Variants in RASGRF2 observed in about 807,000 individuals in gnomAD.
The protein encoded by RASGRF2 is Ras protein specific guanine nucleotide releasing factor 2.
A neutral mutation model predicts 151.0 loss-of-function variants in RASGRF2; 76 were observed. The observed-to-expected ratio is 0.50, with a 90% CI of 0.42 to 0.61. The LOEUF is 0.61. Among genes scored for constraint, RASGRF2 ranks in the 20% least tolerant of loss-of-function variants. The probability of loss-of-function intolerance (pLI) is 0.00; values close to 1 mark genes in which losing one functional copy is unlikely to be tolerated. For missense variants in RASGRF2, 1,148 were observed against 1,564.6 expected (o/e 0.73, Z 4.49); for synonymous variants, 504 against 566.5 (o/e 0.89, Z 1.57).
chr5:81,055,860 A>G (rs1751188474), intron 2 of RASGRF2, among the ~76,000 whole-genome samples: 1 of 151,872 alleles, frequency 6.6e-6, no homozygotes, highest in Admixed American at 6.6e-5. Flanking sequence ...TAGTCTTGGG[A>G]GGGTGTATGT....
At chr5:81,193,194 G>T (rs1755187837) in intron 18 of RASGRF2, among the ~76,000 whole-genome samples, 1 of 152,206 alleles carries the variant, frequency 6.6e-6, no homozygotes, top group African/African-American at 2.4e-5. Context: ...CCTTGGCCAT[G>T]TATAGTAAAT....
At chr5:81,042,706 G>A (rs1229482823) in intron 1 of RASGRF2, among the ~76,000 whole-genome samples, 171 bp from the exon 2 acceptor site, 2 of 152,176 alleles carry the variant, frequency 1.3e-5, no homozygotes, top group Non-Finnish European at 2.9e-5. Flanking sequence ...TCTTCTAGGT[G>A]CAGAGTCATT....
chr5:80,977,655 C>T (rs995117035), intron 1 of RASGRF2, among the ~76,000 whole-genome samples: 8 of 152,228 alleles, frequency 5.3e-5, no homozygotes, highest in Admixed American at 3.9e-4. Context: ...TGGGGTTTCG[C>T]CGTGTTGGTG....
At chr5:81,111,535 A>C (rs1173041914) in intron 13 of RASGRF2, among the ~76,000 whole-genome samples, 1 of 152,180 alleles carries the variant, frequency 6.6e-6, no homozygotes, top group East Asian at 1.9e-4. Flanking sequence ...AACATAATAA[A>C]AACATAACAT....
At chr5:81,031,212 C>T (rs1750232870) in intron 1 of RASGRF2, among the ~76,000 whole-genome samples, 1 of 152,180 alleles carries the variant, frequency 6.6e-6, no homozygotes, top group Admixed American at 6.5e-5. Flanking sequence ...GAGACTTTAA[C>T]ACCCCAATGT....
chr5:81,157,061 C>T (rs1295701899), intron 17 of RASGRF2, among the ~76,000 whole-genome samples: 1 of 152,114 alleles, frequency 6.6e-6, no homozygotes, highest in Non-Finnish European at 1.5e-5. Context: ...CTATTCACAA[C>T]ATCATTAAAA....
chr5:81,138,004 G>A (rs896904646), intron 17 of RASGRF2, among the ~76,000 whole-genome samples: 1 of 152,184 alleles, frequency 6.6e-6, no homozygotes, highest in Non-Finnish European at 1.5e-5. Flanking sequence ...GATGTTTGCT[G>A]TAGCTATAGG....
intron 1 of RASGRF2, among the ~76,000 whole-genome samples, chr5:81,003,598 G>A (rs576151523): frequency 2.6e-5 from 4 of 152,312 alleles, no homozygotes; most frequent in African/African-American, 9.6e-5. Context: ...CTGGCCTCAA[G>A]TGATCCTCCT....
rs781249375 is a variant in RASGRF2, at chr5:80,961,050, G to A, written c.288+24G>A. The A allele has an allele frequency of 3.1e-5, 44 of 1,432,300 alleles. No individual in the cohort carries two copies. The African/African-American group carries it at 5.4e-4, about 18-fold the overall frequency. The allele number at this position is 1,432,300 out of a possible 1,614,324, so 88.7% of individuals were successfully genotyped here. On this transcript the variant is annotated intron_variant, in intron 1 of 26. Transcript: ENST00000265080. ...AGGTACCGCGCGCCTTCTCTCCGCG[G>A]TCTCCCAGCCTTGATCGCCGCACTC... is the stretch of plus-strand genomic sequence containing the variant.
intron 18 of RASGRF2, among the ~76,000 whole-genome samples, chr5:81,195,761 G>A (rs1346687797): frequency 6.6e-6 from 1 of 152,150 alleles, no homozygotes; most frequent in Admixed American, 6.5e-5. Flanking sequence ...CTGTGCACAT[G>A]ACAGTTTGAG....
rs376345344 is a variant in RASGRF2 at position 81,010,268 on chromosome 5, C to T, written c.289-32609C>T. Among the ~76,000 whole-genome samples the T allele has an allele frequency of 1.8e-4, 27 of 152,062 alleles. No homozygotes were observed. The South Asian group carries it at 5.6e-3, about 32-fold the overall frequency. ...TGAATTTTCCTCTCTAATTTTGCCTCTCTGTATTTTCCGTATTTATATATG... is the reference window on the plus strand; with the variant it reads ...TGAATTTTCCTCTCTAATTTTGCCTTTCTGTATTTTCCGTATTTATATATG... On this transcript the variant is annotated intron_variant, in intron 1 of 26. Transcript: ENST00000265080.
At chr5:80,966,708 G>A (rs1747734978) in intron 1 of RASGRF2, among the ~76,000 whole-genome samples, 1 of 152,146 alleles carries the variant, frequency 6.6e-6, no homozygotes. Context: ...GCATCAGTAG[G>A]TGGAACAGAG....
intron 12 of RASGRF2, among the ~76,000 whole-genome samples, chr5:81,097,228 T>C (rs770764571): frequency 1.3e-5 from 2 of 152,208 alleles, no homozygotes; most frequent in Non-Finnish European, 2.9e-5. Context: ...CCCAAAGTGC[T>C]GGGATTACAC....
At chr5:81,176,928 A>T (rs1754787486) in intron 17 of RASGRF2, among the ~76,000 whole-genome samples, 4 of 151,662 alleles carry the variant, frequency 2.6e-5, no homozygotes, top group Non-Finnish European at 5.9e-5. Flanking sequence ...GGTAGGATAA[A>T]TTTTTTCCCT....
chr5:81,187,469 G>A (rs900774035), intron 18 of RASGRF2, among the ~76,000 whole-genome samples: 13 of 152,164 alleles, frequency 8.5e-5, no homozygotes, highest in South Asian at 2.1e-4. Context: ...GAACCCGACC[G>A]GGTGGTCTCC....
In RASGRF2 at chr5:81,229,726, C is replaced by T. The variant is rs1282377196; in HGVS notation, c.*3956C>T. ...ATGAAAGAGAGCTGGCCTAGGCATC[C>T]CGGCCCTGAGTCCTAGGCCCAGTCT... On this transcript the variant is annotated 3_prime_UTR_variant, in exon 27 of 27. Coordinates refer to ENST00000265080, the MANE Select transcript of RASGRF2 (RefSeq NM_006909.3). 1.3e-5 allele frequency: 2 copies of T among 152,176 alleles called. No homozygotes were observed. Among genetic ancestry groups the T allele is most frequent in the Non-Finnish European group, 2.9e-5 (2 of 68,026 alleles). The allele number at this position is 152,176 out of a possible 1,614,324, so 9.4% of individuals were successfully genotyped here. A position where few individuals can be genotyped will look rare whatever the true frequency, so the allele number is the denominator to read the frequency against.
At chr5:81,103,651 C>T (rs895819274) in intron 12 of RASGRF2, among the ~76,000 whole-genome samples, 1 of 151,974 alleles carries the variant, frequency 6.6e-6, no homozygotes, top group Non-Finnish European at 1.5e-5. Context: ...CTCATCTAGA[C>T]ACGTCGAGGT....
intron 1 of RASGRF2, among the ~76,000 whole-genome samples, chr5:81,010,616 C>A (rs941967486): frequency 6.6e-6 from 1 of 152,170 alleles, no homozygotes; most frequent in Non-Finnish European, 1.5e-5. Flanking sequence ...GTATTCTTAG[C>A]CATTCTGATT....
intron 12 of RASGRF2, among the ~76,000 whole-genome samples, chr5:81,098,393 G>A (rs1004384394): frequency 2.0e-5 from 3 of 152,130 alleles, no homozygotes; most frequent in African/African-American, 2.4e-5. Flanking sequence ...AGGAGATACT[G>A]CATCATTTGG....
Sources: allele counts gnomAD v4.1 joint callset (sites outside exome capture counted in the v4.1 genomes callset), GRCh38; gene constraint gnomAD v4.1.1; transcripts MANE v1.5; gene names NCBI Gene and HGNC (gene_info 2026-07-23, HGNC 2026-07-21).